PTPRO: variants seen among roughly 807,000 people sequenced by gnomAD.
PTPRO encodes receptor-type tyrosine-protein phosphatase O.
A neutral mutation model predicts 145.2 loss-of-function variants in PTPRO; 62 were observed. The observed-to-expected ratio is 0.43, with a 90% confidence interval of 0.35 to 0.53. PTPRO has a LOEUF of 0.53. Ranked by LOEUF, PTPRO falls within the 20% of genes least tolerant of loss-of-function variation. The pLI, the probability that PTPRO is intolerant of heterozygous loss-of-function variation, is 0.01. For synonymous variants in PTPRO, 565 were observed against 514.7 expected, an observed-to-expected ratio of 1.10 and a Z score of -1.32; for missense variants, 1,345 against 1,482.7, an observed-to-expected ratio of 0.91 and a Z score of 1.53.
intron 1 of PTPRO, among the ~76,000 whole-genome samples, chr12:15,411,435 T>C (rs1939797289): frequency 6.6e-6 from 1 of 152,248 alleles, no homozygotes; most frequent in Admixed American, 6.5e-5. Flanking sequence ...AGAATCCACA[T>C]TCTTTGTTCT....
At chr12:15,471,436 A>G (rs1941539454) in intron 1 of PTPRO, among the ~76,000 whole-genome samples, 1 of 152,086 alleles carries the variant, frequency 6.6e-6, no homozygotes, top group Non-Finnish European at 1.5e-5. Flanking sequence ...GAACTGGCAT[A>G]CTCTATCTGA....
At chr12:15,453,412 G>A (rs1941097301) in intron 1 of PTPRO, among the ~76,000 whole-genome samples, 1 of 152,102 alleles carries the variant, frequency 6.6e-6, no homozygotes, top group African/African-American at 2.4e-5. Flanking sequence ...TCTTAACAGT[G>A]AGGCCTTAGA....
intron 8 of PTPRO, among the ~76,000 whole-genome samples, chr12:15,516,060 A>G (rs1234708744): frequency 7.3e-6 from 1 of 136,526 alleles, no homozygotes; most frequent in Non-Finnish European, 1.5e-5. Flanking sequence ...GTGCAATCTC[A>G]GTTCCCTGCA....
At chr12:15,448,749 A>T (rs1940972933) in intron 1 of PTPRO, among the ~76,000 whole-genome samples, 1 of 152,196 alleles carries the variant, frequency 6.6e-6, no homozygotes, top group Admixed American at 6.6e-5. Flanking sequence ...CACTATTCAC[A>T]ATAGCCAAGA....
At chr12:15,544,192 A>G (rs900576131) in intron 12 of PTPRO, among the ~76,000 whole-genome samples, 1 of 152,164 alleles carries the variant, frequency 6.6e-6, no homozygotes, top group African/African-American at 2.4e-5. Context: ...GACATGCAAT[A>G]TAATTTAAAA....
intron 1 of PTPRO, among the ~76,000 whole-genome samples, chr12:15,482,893 T>C (rs1565655982): frequency 1.3e-5 from 2 of 152,118 alleles, no homozygotes; most frequent in Admixed American, 1.3e-4. Flanking sequence ...CTGGTGACCA[T>C]GGGCAAGTGA....
At chr12:15,476,159 G>T (rs545183155) in intron 1 of PTPRO, among the ~76,000 whole-genome samples, 10 of 152,248 alleles carry the variant, frequency 6.6e-5, no homozygotes, top group African/African-American at 2.4e-4. Context: ...TGCTGTGGTG[G>T]TGGTGGTGGT....
intron 5 of PTPRO, among the ~76,000 whole-genome samples, chr12:15,502,453 A>G (rs1400061682): frequency 6.6e-6 from 1 of 152,218 alleles, no homozygotes; most frequent in Non-Finnish European, 1.5e-5. Context: ...GCAAATTTTT[A>G]AACATGGCAG....
In PTPRO at chr12:15,524,970, G is replaced by A; in HGVS notation, c.2043+5G>A. 2 of 1,613,638 alleles carry A rather than the reference G, an allele frequency of 1.2e-6. No individual in the cohort carries two copies. The highest frequency in any genetic ancestry group is 1.7e-6 in the Non-Finnish European group (2 of 1,179,806). ...AAAAAGAAAATTAAAAAGAGTGTAT[G>A]TTTCTTTGAATGCCAGCATTGTGTG... On this transcript the variant is annotated splice_donor_5th_base_variant and intron_variant, in intron 11 of 26. Transcript: ENST00000281171.
At chr12:15,477,514 C>T (rs1277062496) in intron 1 of PTPRO, among the ~76,000 whole-genome samples, 1 of 151,898 alleles carries the variant, frequency 6.6e-6, no homozygotes, top group Non-Finnish European at 1.5e-5. Flanking sequence ...AAAAAAAATG[C>T]ATTGTATTCC....
intron 6 of PTPRO, among the ~76,000 whole-genome samples, chr12:15,505,113 G>T (rs537727964): frequency 1.2e-4 from 19 of 152,152 alleles, no homozygotes; most frequent in Admixed American, 2.0e-4. Flanking sequence ...GACTAAAAAT[G>T]CCTCACTTAC....
intron 1 of PTPRO, among the ~76,000 whole-genome samples, chr12:15,426,983 C>G (rs572127124): frequency 1.3e-5 from 2 of 151,802 alleles, no homozygotes; most frequent in African/African-American, 2.4e-5. Context: ...CAGATCAGAC[C>G]AATATTTTTC....
At chr12:15,561,295 T>C (rs1432023105) in intron 17 of PTPRO, among the ~76,000 whole-genome samples, 2 of 152,218 alleles carry the variant, frequency 1.3e-5, no homozygotes, top group East Asian at 1.9e-4. Flanking sequence ...ATCTGGAGCA[T>C]TTATTTATTC....
chr12:15,579,848 T>G (rs1250447940), intron 20 of PTPRO, among the ~76,000 whole-genome samples, 191 bp from the exon 21 acceptor site: 1 of 152,032 alleles, frequency 6.6e-6, no homozygotes, highest in Non-Finnish European at 1.5e-5. Context: ...AAAAAAATAG[T>G]GGTTGGAAGA....
At chr12:15,481,131 C>G (rs1466719063) in intron 1 of PTPRO, among the ~76,000 whole-genome samples, 1 of 152,130 alleles carries the variant, frequency 6.6e-6, no homozygotes, top group Non-Finnish European at 1.5e-5. Flanking sequence ...TTTCTGTTTT[C>G]TTGTGTTTTA....
chr12:15,413,932 G>C (rs990292859), intron 1 of PTPRO, among the ~76,000 whole-genome samples: 1 of 152,116 alleles, frequency 6.6e-6, no homozygotes, highest in African/African-American at 2.4e-5. Context: ...TAAAATTTCT[G>C]ATTTAGGAAC....
At chr12:15,351,512 G>A (rs185708241) in intron 1 of PTPRO, among the ~76,000 whole-genome samples, 2 of 152,214 alleles carry the variant, frequency 1.3e-5, no homozygotes, top group Non-Finnish European at 2.9e-5. Flanking sequence ...ATGGAACAGG[G>A]AAACAGACTC....
At chr12:15,380,374 A>G (rs755854351) in intron 1 of PTPRO, among the ~76,000 whole-genome samples, 8 of 152,098 alleles carry the variant, frequency 5.3e-5, no homozygotes, top group Non-Finnish European at 1.0e-4. Context: ...GTTTTTGCCA[A>G]TGGAGGGGAA....
In PTPRO at chr12:15,402,391, A is replaced by C. The variant is rs572226308; in HGVS notation, c.75+79590A>C. 6.3e-3 allele frequency among the ~76,000 whole-genome samples: 947 copies of C among 149,474 alleles called. 5 individuals are homozygous for C. Among genetic ancestry groups the C allele is most frequent in the Middle Eastern group, 0.014 (4 of 292 alleles). ...GACAGAGCAAGACTCCATTTCAAGA[A>C]AAAAAAAAAAGAAAACCCAATAGGA... On this transcript the variant is annotated intron_variant, in intron 1 of 26. Transcript: ENST00000281171.
Sources: allele counts gnomAD v4.1 joint callset (sites outside exome capture counted in the v4.1 genomes callset), GRCh38; gene constraint gnomAD v4.1.1; transcripts MANE v1.5; gene names NCBI Gene and HGNC (gene_info 2026-07-23, HGNC 2026-07-21).